The following ATG10 variants were observed in gnomAD, a reference collection of about 807,000 sequenced individuals.
ATG10 encodes autophagy related 10, also known as ubiquitin-like-conjugating enzyme ATG10.
In ATG10, 30 loss-of-function variants were observed where a neutral mutation model predicts 32.1. The ratio of observed to expected loss-of-function variants is 0.94; its 90% CI spans 0.70 to 1.27. The LOEUF is 1.27. Ranked by LOEUF, ATG10 falls within the 50% of genes most tolerant of loss-of-function variation. ATG10 has a pLI of 0.00. For synonymous variants in ATG10, 87 were observed against 91.5 expected, an observed-to-expected ratio of 0.95 and a Z score of 0.28; for missense variants, 233 against 262.3, an observed-to-expected ratio of 0.89 and a Z score of 0.77.
chr5:82,128,155 A>C (rs181875340), intron 3 of ATG10, among the ~76,000 whole-genome samples: 6 of 151,428 alleles, frequency 4.0e-5, no homozygotes, highest in African/African-American at 1.5e-4. Flanking sequence ...TTATTCCTTC[A>C]TCCCTTTATT....
At chr5:82,120,883 G>A (rs947280371) in intron 3 of ATG10, among the ~76,000 whole-genome samples, 17 of 152,172 alleles carry the variant, frequency 1.1e-4, no homozygotes, top group South Asian at 4.1e-4. Context: ...ATGTTTACCC[G>A]TTTAGATTTA....
chr5:82,184,900 T>G (rs1234145696), intron 5 of ATG10, among the ~76,000 whole-genome samples: 1 of 152,180 alleles, frequency 6.6e-6, no homozygotes, highest in African/African-American at 2.4e-5. Flanking sequence ...AAACATCAGG[T>G]GGCTGTCTGC....
intron 3 of ATG10, among the ~76,000 whole-genome samples, chr5:82,130,498 G>C (rs1298023932): frequency 6.6e-6 from 1 of 152,146 alleles, no homozygotes; most frequent in Admixed American, 6.5e-5. Flanking sequence ...GAATCTCCTG[G>C]TCTGTGGGTT....
intron 5 of ATG10, among the ~76,000 whole-genome samples, chr5:82,231,968 A>T (rs1746383132): frequency 6.6e-6 from 1 of 152,230 alleles, no homozygotes; most frequent in Admixed American, 6.5e-5. Context: ...ATTTGGCACC[A>T]TTCTAAAAAG....
chr5:82,076,784 G>C (rs748594534), intron 3 of ATG10, among the ~76,000 whole-genome samples: 4 of 152,118 alleles, frequency 2.6e-5, no homozygotes, highest in Non-Finnish European at 2.9e-5. Flanking sequence ...TATAGTAGTA[G>C]GATAATATGT....
At chr5:82,096,662 G>A (rs2149798156) in intron 3 of ATG10, among the ~76,000 whole-genome samples, 1 of 152,288 alleles carries the variant, frequency 6.6e-6, no homozygotes, top group Non-Finnish European at 1.5e-5. Flanking sequence ...AATAGTCAGT[G>A]TCTGTTCACT....
intron 3 of ATG10, among the ~76,000 whole-genome samples, chr5:82,110,303 G>A (rs1403376138): frequency 6.6e-6 from 1 of 152,030 alleles, no homozygotes; most frequent in Non-Finnish European, 1.5e-5. Flanking sequence ...ATATTCCTTT[G>A]GGTATATACC....
intron 5 of ATG10, among the ~76,000 whole-genome samples, chr5:82,202,615 A>T (rs1428039144): frequency 1.3e-5 from 2 of 152,206 alleles, no homozygotes; most frequent in Admixed American, 1.3e-4. Context: ...TAGGGATCTC[A>T]GAGGCTCCTT....
chr5:82,062,936 C>G (rs979330786), intron 3 of ATG10, among the ~76,000 whole-genome samples: 1 of 152,186 alleles, frequency 6.6e-6, no homozygotes, highest in African/African-American at 2.4e-5. Flanking sequence ...TTCTCTCTTT[C>G]TTCATCATAG....
chr5:82,007,712 C>T (rs989293217), intron 2 of ATG10, among the ~76,000 whole-genome samples: 1 of 152,040 alleles, frequency 6.6e-6, no homozygotes, highest in African/African-American at 2.4e-5. Flanking sequence ...CCTGGGCCTC[C>T]CAAAGTGTTA....
At chr5:82,135,465 G>A (rs1766693950) in intron 3 of ATG10, among the ~76,000 whole-genome samples, 1 of 152,138 alleles carries the variant, frequency 6.6e-6, no homozygotes. Context: ...ATTTATTTGT[G>A]CCTTAATTTT....
At chr5:82,216,763 A>G (rs1745696015) in intron 5 of ATG10, among the ~76,000 whole-genome samples, 1 of 152,186 alleles carries the variant, frequency 6.6e-6, no homozygotes, top group South Asian at 2.1e-4. Context: ...AAGAATGAAG[A>G]TGGTAGCAAC....
intron 2 of ATG10, among the ~76,000 whole-genome samples, chr5:82,053,262 A>G (rs1341393068): frequency 6.6e-6 from 1 of 151,980 alleles, no homozygotes; most frequent in African/African-American, 2.4e-5. Flanking sequence ...ATCTACATGT[A>G]TTTCCTCTTT....
intron 3 of ATG10, among the ~76,000 whole-genome samples, chr5:82,150,238 T>G (rs550431613): frequency 7.3e-4 from 111 of 151,950 alleles, no homozygotes; most frequent in Non-Finnish European, 8.7e-4. Context: ...TGGAGTTGTT[T>G]TTTTTTTTTT....
chr5:82,175,887 G>GCACA (rs146858605), intron 4 of ATG10, among the ~76,000 whole-genome samples: 42 of 129,496 alleles, frequency 3.2e-4, no homozygotes, highest in East Asian at 1.9e-3. Context: ...ACACACACAC[G>GCACA]CACACACACA....
At chr5:82,140,953 C>T (rs1221180204) in intron 3 of ATG10, among the ~76,000 whole-genome samples, 10 of 76,498 alleles carry the variant, frequency 1.3e-4, no homozygotes, top group African/African-American at 4.7e-4. Flanking sequence ...GAAACATGTG[C>T]TGTGTCCACT....
At chr5:82,049,919 T>TTA in intron 2 of ATG10, among the ~76,000 whole-genome samples, 1 of 152,280 alleles carries the variant, frequency 6.6e-6, no homozygotes, top group South Asian at 2.1e-4. Flanking sequence ...ATGGATTGGG[T>TTA]TTTTATTTTA....
intron 2 of ATG10, chr5:82,010,101 A>G (rs1009387203): frequency 5.6e-6 from 9 of 1,598,372 alleles, no homozygotes; most frequent in Non-Finnish European, 7.7e-6. Context: ...CATGGCTAAT[A>G]GTACACAGTT....
intron 3 of ATG10, among the ~76,000 whole-genome samples, chr5:82,131,318 G>A (rs1047688852): frequency 1.3e-5 from 2 of 152,196 alleles, no homozygotes; most frequent in Non-Finnish European, 2.9e-5. Context: ...GGCATGTTAT[G>A]TAGGAAATTC....
Sources: gnomAD v4.1 joint callset for allele counts (sites outside exome capture counted in the v4.1 genomes callset) on GRCh38, gnomAD v4.1.1 for gene constraint, MANE v1.5 for transcripts, NCBI Gene and HGNC (gene_info 2026-07-23, HGNC 2026-07-21) for gene names.